Variants in SAMSN1 observed in about 807,000 individuals in gnomAD.
SAMSN1 encodes the protein SAM domain, SH3 domain and nuclear localization signals 1.
Under a neutral mutation model 42.0 loss-of-function variants are expected in SAMSN1, and 31 were observed. The ratio of observed to expected loss-of-function variants is 0.74; its 90% confidence interval spans 0.55 to 1.00. The LOEUF (loss-of-function observed/expected upper bound fraction) is 1.00, where lower values mean the gene tolerates loss of function less well. Ranked by LOEUF, SAMSN1 falls within the 50% of genes least tolerant of loss-of-function variation. The pLI, the probability that SAMSN1 is intolerant of heterozygous loss-of-function variation, is 0.00. For synonymous variants in SAMSN1, 178 were observed against 151.9 expected (o/e 1.17, Z -1.26); for missense variants, 464 against 439.4 (o/e 1.06, Z -0.50).
At chr21:14,525,315 A>G (rs1978772031) in intron 1 of SAMSN1, among the ~76,000 whole-genome samples, 2 of 152,222 alleles carry the variant, frequency 1.3e-5, no homozygotes, top group South Asian at 4.1e-4. Context: ...TCTAGCTACC[A>G]CATTTAAGGA....
intron 5 of SAMSN1, among the ~76,000 whole-genome samples, chr21:14,604,227 G>A (rs1190830511): frequency 6.6e-6 from 1 of 152,188 alleles, no homozygotes; most frequent in Non-Finnish European, 1.5e-5. Flanking sequence ...TAGACAATAT[G>A]CAGGCTATAT....
rs574396248 is a variant in SAMSN1 at position 14,602,648 on chromosome 21, G to A, written c.323-549C>T. On this transcript the variant is annotated intron_variant, in intron 5 of 15. Coordinates refer to the SAMSN1 transcript ENST00000647101. ...CACTTCCCTTTTAGCTCCTGCAAAT[G>A]GGAGCTTCATTTATTTAAGTCTGAA... 4.6e-5 allele frequency among the ~76,000 whole-genome samples: 7 copies of A among 152,260 alleles called. No individual in the cohort carries two copies. The South Asian group carries it at 1.5e-3, about 32-fold the overall frequency.
chr21:14,553,994 C>A (rs1283511907), intron 2 of SAMSN1, among the ~76,000 whole-genome samples: 1 of 152,126 alleles, frequency 6.6e-6, no homozygotes, highest in Non-Finnish European at 1.5e-5. Context: ...GTTGAACATA[C>A]TGGATTGATA....
chr21:14,548,587 C>T (rs921675589), upstream of SAMSN1, among the ~76,000 whole-genome samples: 5 of 151,798 alleles, frequency 3.3e-5, no homozygotes, highest in African/African-American at 1.2e-4. Flanking sequence ...AAATATTTTC[C>T]TTCAAGTACG....
intron 2 of SAMSN1, among the ~76,000 whole-genome samples, chr21:14,560,957 C>G (rs866322384): frequency 7.2e-5 from 11 of 152,026 alleles, no homozygotes; most frequent in African/African-American, 2.7e-4. Flanking sequence ...CTTTGCAAAA[C>G]TAATGAAAGG....
intron 7 of SAMSN1, among the ~76,000 whole-genome samples, chr21:14,495,137 T>A (rs1986863904): frequency 6.6e-6 from 1 of 152,250 alleles, no homozygotes; most frequent in South Asian, 2.1e-4. Flanking sequence ...AAAGGCAAAC[T>A]ATTTTTAACG....
intron 1 of SAMSN1, among the ~76,000 whole-genome samples, chr21:14,521,457 G>T (rs1978476840): frequency 1.3e-5 from 2 of 152,102 alleles, no homozygotes; most frequent in Admixed American, 6.5e-5. Flanking sequence ...TAAGCACCTT[G>T]GAGAAAATCT....
At chr21:14,606,299 T>A (rs1398162329) in intron 5 of SAMSN1, among the ~76,000 whole-genome samples, 2 of 152,216 alleles carry the variant, frequency 1.3e-5, no homozygotes. Context: ...CTGTCACAGT[T>A]ACACTGATTG....
chr21:14,607,711 AT>A (rs2123315995), intron 5 of SAMSN1, among the ~76,000 whole-genome samples: 1 of 152,338 alleles, frequency 6.6e-6, no homozygotes, highest in East Asian at 1.9e-4. Flanking sequence ...CTATAATAGA[AT>A]TCCGTGCCTA....
intron 2 of SAMSN1, among the ~76,000 whole-genome samples, chr21:14,642,015 G>A (rs567535452): frequency 9.9e-4 from 151 of 152,284 alleles, no homozygotes; most frequent in African/African-American, 3.3e-3. Flanking sequence ...AAAAGAAAAT[G>A]TTAATAAGAA....
intron 6 of SAMSN1, among the ~76,000 whole-genome samples, chr21:14,596,020 G>A (rs987596257): frequency 6.6e-6 from 1 of 152,118 alleles, no homozygotes; most frequent in Non-Finnish European, 1.5e-5. Context: ...CATTTATGGA[G>A]TTCATTCATA....
intron 7 of SAMSN1, among the ~76,000 whole-genome samples, chr21:14,589,307 A>G (rs1009735523): frequency 3.9e-5 from 6 of 152,214 alleles, no homozygotes; most frequent in Admixed American, 6.5e-5. Context: ...TTTATTAATA[A>G]TAGAGTTGGG....
At chr21:14,513,204 T>C (rs1987765004) in intron 3 of SAMSN1, among the ~76,000 whole-genome samples, 1 of 152,192 alleles carries the variant, frequency 6.6e-6, no homozygotes, top group Non-Finnish European at 1.5e-5. Flanking sequence ...ATCTCCAATG[T>C]TTTCCATATT....
chr21:14,525,313 C>G (rs370049308), intron 1 of SAMSN1, among the ~76,000 whole-genome samples: 1 of 151,954 alleles, frequency 6.6e-6, no homozygotes, highest in Non-Finnish European at 1.5e-5. Context: ...TATCTAGCTA[C>G]CACATTTAAG....
chr21:14,652,687 C>T (rs1007341607), intron 1 of SAMSN1, among the ~76,000 whole-genome samples: 4 of 151,682 alleles, frequency 2.6e-5, no homozygotes, highest in African/African-American at 7.3e-5. Context: ...CTGAACAAAT[C>T]GTCTCGTATG....
intron 1 of SAMSN1, among the ~76,000 whole-genome samples, chr21:14,648,240 C>A (rs989873605): frequency 6.6e-6 from 1 of 152,122 alleles, no homozygotes; most frequent in Non-Finnish European, 1.5e-5. Flanking sequence ...AACTGGATCC[C>A]TTCCTTACAC....
chr21:14,615,947 A>G lies in SAMSN1; in HGVS notation c.197+29T>C, dbSNP rs1231857312. 3 of 569,722 alleles carry G rather than the reference A, an allele frequency of 5.3e-6. No homozygotes were observed. In the African/African-American group the frequency reaches 5.7e-5, roughly 11 times the overall value. 35.3% of individuals were successfully genotyped at this position (569,722 alleles called of 1,614,324 possible). On this transcript the variant is annotated intron_variant, in intron 3 of 15. Coordinates refer to the SAMSN1 transcript ENST00000647101. ...TTCAACATTACAGAACTAAGGGAAC[A>G]TGAAGTTTACCAAGTAAATTTGACT... is the stretch of plus-strand genomic sequence containing the variant.
At chr21:14,526,521 T>C (rs921864084) in intron 1 of SAMSN1, among the ~76,000 whole-genome samples, 2 of 152,204 alleles carry the variant, frequency 1.3e-5, no homozygotes, top group East Asian at 1.9e-4. Context: ...TATTAGTACC[T>C]CTCCAGTTTT....
chr21:14,575,367 G>C (rs1156721093), intron 2 of SAMSN1, among the ~76,000 whole-genome samples: 2 of 151,980 alleles, frequency 1.3e-5, no homozygotes, highest in Admixed American at 6.6e-5. Context: ...ATTAATTTTA[G>C]CACAGACTGT....
Sources: allele counts gnomAD v4.1 joint callset (sites outside exome capture counted in the v4.1 genomes callset), GRCh38; gene constraint gnomAD v4.1.1; transcripts MANE v1.5; gene names NCBI Gene and HGNC (gene_info 2026-07-23, HGNC 2026-07-21).